RASGRP1: variants seen among roughly 807,000 people sequenced by gnomAD.
RASGRP1 encodes the protein RAS guanyl-releasing protein 1.
In RASGRP1, 37 loss-of-function variants were observed where a neutral mutation model predicts 95.1. The observed-to-expected ratio is 0.39, with a 90% CI of 0.30 to 0.51. RASGRP1 has a LOEUF of 0.51. Among genes scored for constraint, RASGRP1 ranks in the 20% least tolerant of loss-of-function variants. The pLI, the probability that RASGRP1 is intolerant of heterozygous loss-of-function variation, is 0.80. For missense variants in RASGRP1, 711 were observed against 965.4 expected, an observed-to-expected ratio of 0.74 and a Z score of 3.49; for synonymous variants, 325 against 353.4, an observed-to-expected ratio of 0.92 and a Z score of 0.90.
chr15:38,560,813 C>A (rs1055063351), intron 1 of RASGRP1, among the ~76,000 whole-genome samples: 7 of 152,154 alleles, frequency 4.6e-5, no homozygotes, highest in Non-Finnish European at 5.9e-5. Context: ...GTTGTTCCAG[C>A]ACTCAGTGTA....
chr15:38,493,708 C>CT (rs1890685854), intron 16 of RASGRP1, among the ~76,000 whole-genome samples: 1 of 152,144 alleles, frequency 6.6e-6, no homozygotes, highest in African/African-American at 2.4e-5. Flanking sequence ...TGTTTGCCTG[C>CT]TACTGTTGCT....
At chr15:38,512,386 C>T (rs1280425564) in intron 7 of RASGRP1, among the ~76,000 whole-genome samples, 2 of 152,214 alleles carry the variant, frequency 1.3e-5, no homozygotes, top group Non-Finnish European at 2.9e-5. Flanking sequence ...TGCAGCCATT[C>T]AGCACTGCAT....
intron 2 of RASGRP1, among the ~76,000 whole-genome samples, chr15:38,527,350 C>T (rs1595860624): frequency 6.6e-6 from 1 of 152,086 alleles, no homozygotes; most frequent in Non-Finnish European, 1.5e-5. Flanking sequence ...GACACCACTC[C>T]CCTGACAGTG....
intron 2 of RASGRP1, among the ~76,000 whole-genome samples, chr15:38,538,355 A>G (rs1418761817): frequency 6.6e-6 from 1 of 152,226 alleles, no homozygotes; most frequent in Non-Finnish European, 1.5e-5. Context: ...AAATAGCCAA[A>G]ATGCAACACT....
chr15:38,525,444 C>T (rs566728415), intron 3 of RASGRP1, among the ~76,000 whole-genome samples: 2 of 152,312 alleles, frequency 1.3e-5, no homozygotes, highest in South Asian at 4.1e-4. Flanking sequence ...ACCTGCACCT[C>T]TTATTTATGT....
Position 38,512,810 on chromosome 15 carries a change from G to A in RASGRP1, c.822C>T (p.Val274=). 1 of 1,613,746 alleles carries A rather than the reference G, an allele frequency of 6.2e-7. No individual in the cohort carries two copies. Among genetic ancestry groups the A allele is most frequent in the East Asian group, 2.2e-5 (1 of 44,836 alleles). ...GAGCCACCTGGATGAACTTGATGAAGACTTCTGCTCGGAGCTGCGGCGTGG... is the reference window on the plus strand; with the variant it reads ...GAGCCACCTGGATGAACTTGATGAAAACTTCTGCTCGGAGCTGCGGCGTGG... ...SRPTPQLRAE[V]FIKFIQVAQK... The change falls in exon 7 of 17, where the codon GTC becomes GTT. Residue 274 remains valine, a synonymous_variant. Transcript: ENST00000310803.
intron 2 of RASGRP1, among the ~76,000 whole-genome samples, chr15:38,540,022 C>T (rs776939058): frequency 4.4e-4 from 67 of 152,014 alleles, no homozygotes; most frequent in Non-Finnish European, 9.3e-4. Flanking sequence ...GCTCAAGTAA[C>T]CTTCCCACCT....
In RASGRP1 at chr15:38,494,290, C is replaced by T. The variant is rs755076343; in HGVS notation, c.2259+92G>A. The T allele has an allele frequency of 5.3e-6, 8 of 1,500,062 alleles. No homozygotes were observed. In the South Asian group the frequency reaches 9.5e-5, roughly 18 times the overall value. 92.9% of individuals were successfully genotyped at this position (1,500,062 alleles called of 1,614,324 possible). A position where few individuals can be genotyped will look rare whatever the true frequency, so the allele number is the denominator to read the frequency against. On this transcript the variant is annotated intron_variant, in intron 16 of 16. Transcript: ENST00000310803. ...TTGTTTTAGACTGCTTGTAATCAGC[C>T]TGATCTGAATCTTCAGTCCACATGC...
intron 1 of RASGRP1, 45 bp downstream of exon 1, chr15:38,564,549 G>C (rs1382630968): frequency 4.5e-6 from 6 of 1,336,860 alleles, no homozygotes; most frequent in Non-Finnish European, 5.8e-6. Flanking sequence ...TCTTTCCCAA[G>C]AAAGGACACA....
In RASGRP1 at chr15:38,490,541, C is replaced by T. The variant is rs746143748; in HGVS notation, c.*13G>A. 6.2e-7 allele frequency: 1 copy of T among 1,609,870 alleles called. No individual in the cohort carries two copies. Among genetic ancestry groups the T allele is most frequent in the South Asian group, 1.1e-5 (1 of 90,510 alleles). On this transcript the variant is annotated 3_prime_UTR_variant, in exon 17 of 17. Coordinates refer to ENST00000310803, the MANE Select transcript of RASGRP1 (RefSeq NM_005739.4). ...CTATACTCATCTACAGATTGTGCTA[C>T]TTAGTTTCTGGGCTAAGAACAGTCA... is the stretch of plus-strand genomic sequence containing the variant.
At chr15:38,533,551 C>A (rs1892527350) in intron 2 of RASGRP1, among the ~76,000 whole-genome samples, 2 of 152,144 alleles carry the variant, frequency 1.3e-5, no homozygotes, top group Admixed American at 1.3e-4. Context: ...GAGCGGACGG[C>A]AGCAACTTAG....
At chr15:38,507,614 T>A in intron 9 of RASGRP1, 112 bp downstream of exon 9, 1 of 1,227,432 alleles carries the variant, frequency 8.1e-7, no homozygotes. Context: ...AGTAATAGGA[T>A]CTGCTTCATA....
intron 2 of RASGRP1, among the ~76,000 whole-genome samples, chr15:38,542,847 A>ATG (rs1191173793): frequency 8.4e-6 from 1 of 119,448 alleles, no homozygotes; most frequent in Middle Eastern, 3.8e-3. Context: ...ATATATATAT[A>ATG]TGTGTATATA....
intron 12 of RASGRP1, 103 bp downstream of exon 12, chr15:38,502,209 A>T (rs1566911697): frequency 5.0e-6 from 4 of 793,162 alleles, no homozygotes; most frequent in Non-Finnish European, 4.1e-6. Flanking sequence ...AAGTGATCAC[A>T]GCAGCAACAT....
At chr15:38,511,257 G>C (rs186645480) in intron 8 of RASGRP1, among the ~76,000 whole-genome samples, 3 of 152,200 alleles carry the variant, frequency 2.0e-5, no homozygotes, top group Non-Finnish European at 2.9e-5. Context: ...AATTCCTTTT[G>C]AGAACACATT....
intron 2 of RASGRP1, among the ~76,000 whole-genome samples, chr15:38,558,075 C>CT (rs1893641952): frequency 3.9e-5 from 6 of 152,016 alleles, no homozygotes; most frequent in Admixed American, 3.9e-4. Context: ...TCTCGTCCCT[C>CT]TTTTTTCAAT....
rs561008569 is a variant in RASGRP1 at position 38,489,152 on chromosome 15, G to T, written c.*1402C>A. ...ACTTTTAATTGTTAACATATTCTTGGCAATTGGACAACTTGTTTATGAATT... is the reference window on the plus strand; with the variant it reads ...ACTTTTAATTGTTAACATATTCTTGTCAATTGGACAACTTGTTTATGAATT... On this transcript the variant is annotated 3_prime_UTR_variant, in exon 17 of 17. Coordinates refer to ENST00000310803, the MANE Select transcript of RASGRP1 (RefSeq NM_005739.4). 67 of 151,922 alleles carry T rather than the reference G, an allele frequency of 4.4e-4. No homozygotes were observed. Among genetic ancestry groups the T allele is most frequent in the African/African-American group, 1.6e-3 (65 of 41,462 alleles). The allele number at this position is 151,922 out of a possible 1,614,324, so 9.4% of individuals were successfully genotyped here.
intron 3 of RASGRP1, 95 bp from the exon 4 acceptor site, chr15:38,519,466 AT>A: frequency 1.1e-6 from 1 of 934,806 alleles, no homozygotes; most frequent in South Asian, 1.5e-5. Flanking sequence ...CTCCCAAAAT[AT>A]TTTTTCTAAA....
chr15:38,555,338 C>T (rs193198996), intron 2 of RASGRP1, among the ~76,000 whole-genome samples: 1 of 152,228 alleles, frequency 6.6e-6, no homozygotes, highest in Non-Finnish European at 1.5e-5. Flanking sequence ...TAGAGAATAT[C>T]AGGCAGACAC....
Sources: gnomAD v4.1 joint callset for allele counts (sites outside exome capture counted in the v4.1 genomes callset) on GRCh38, gnomAD v4.1.1 for gene constraint, MANE v1.5 for transcripts, NCBI Gene and HGNC (gene_info 2026-07-23, HGNC 2026-07-21) for gene names.